Variants in SLIT2 observed in about 807,000 individuals in gnomAD.
SLIT2 encodes slit homolog 2 protein.
Under a neutral mutation model 185.7 loss-of-function variants are expected in SLIT2, and 41 were observed. That is an observed-to-expected ratio of 0.22 (90% confidence interval 0.17 to 0.29). The LOEUF is 0.29. Among genes scored for constraint, SLIT2 ranks in the 10% least tolerant of loss-of-function variants. The pLI is 1.00. For missense variants in SLIT2, 1,571 were observed against 1,909.0 expected (o/e 0.82, Z 3.30); for synonymous variants, 693 against 680.2 (o/e 1.02, Z -0.29).
intron 1 of SLIT2, among the ~76,000 whole-genome samples, chr4:20,256,315 T>C (rs201402071): frequency 8.6e-6 from 1 of 116,752 alleles, no homozygotes; most frequent in Non-Finnish European, 1.7e-5. Flanking sequence ...AACTTTTTTT[T>C]TGGGGGGGGT....
chr4:20,354,613 C>T (rs1254659287), intron 4 of SLIT2, among the ~76,000 whole-genome samples: 3 of 152,044 alleles, frequency 2.0e-5, no homozygotes, highest in Non-Finnish European at 1.5e-5. Context: ...CTTGGAGGTA[C>T]CTTGCATGGC....
chr4:20,339,694 T>A (rs903627114), intron 4 of SLIT2, among the ~76,000 whole-genome samples: 9 of 152,148 alleles, frequency 5.9e-5, no homozygotes, highest in African/African-American at 1.9e-4. Flanking sequence ...TAACAAGATC[T>A]AAGTTTCTAA....
At chr4:20,532,171 T>G (rs955789276) in intron 17 of SLIT2, 113 bp downstream of exon 17, 3 of 624,006 alleles carry the variant, frequency 4.8e-6, no homozygotes, top group Middle Eastern at 4.3e-4. Flanking sequence ...AATTTCCCTA[T>G]GATGATGACC....
intron 4 of SLIT2, among the ~76,000 whole-genome samples, chr4:20,439,180 C>T (rs765223944): frequency 3.3e-5 from 5 of 152,108 alleles, no homozygotes; most frequent in East Asian, 3.9e-4. Context: ...AACACAGTTC[C>T]GAGGTATTAA....
At chr4:20,324,570 C>T (rs536842538) in intron 4 of SLIT2, among the ~76,000 whole-genome samples, 5 of 152,050 alleles carry the variant, frequency 3.3e-5, no homozygotes, top group African/African-American at 9.7e-5. Context: ...TGTTGTACAG[C>T]GTGATGACTA....
intron 4 of SLIT2, among the ~76,000 whole-genome samples, chr4:20,284,519 A>G (rs1392517059): frequency 1.3e-5 from 2 of 152,196 alleles, no homozygotes; most frequent in Non-Finnish European, 2.9e-5. Context: ...ATCATCCTTC[A>G]TGGTAAATAA....
At chr4:20,363,155 C>G (rs1211768339) in intron 4 of SLIT2, among the ~76,000 whole-genome samples, 1 of 151,932 alleles carries the variant, frequency 6.6e-6, no homozygotes, top group Non-Finnish European at 1.5e-5. Context: ...ATCTCATGAA[C>G]AAGTAATATA....
intron 5 of SLIT2, among the ~76,000 whole-genome samples, chr4:20,469,429 T>A (rs1476357971): frequency 1.3e-5 from 2 of 152,182 alleles, no homozygotes; most frequent in Non-Finnish European, 2.9e-5. Flanking sequence ...GACCAGTCAG[T>A]CATGATAGAA....
At chr4:20,482,870 G>A in intron 6 of SLIT2, among the ~76,000 whole-genome samples, 1 of 150,996 alleles carries the variant, frequency 6.6e-6, no homozygotes, top group Non-Finnish European at 1.5e-5. Context: ...ACAACCCCTA[G>A]AAAAATCAGT....
chr4:20,280,332 CAAA>C (rs10585964), intron 4 of SLIT2, among the ~76,000 whole-genome samples: 4,559 of 87,480 alleles, frequency 0.052, 161 homozygotes, highest in East Asian at 0.17. Context: ...GACTCTGTCT[CAAA>C]AAAAAAAAAA....
chr4:20,480,613 G>C, intron 5 of SLIT2, 103 bp from the exon 6 acceptor site: 1 of 767,822 alleles, frequency 1.3e-6, no homozygotes, highest in African/African-American at 1.7e-5. Flanking sequence ...GGGCACTTCA[G>C]TGAGTGTGTC....
chr4:20,279,894 A>G (rs181090766), intron 4 of SLIT2, among the ~76,000 whole-genome samples: 14 of 152,292 alleles, frequency 9.2e-5, no homozygotes, highest in African/African-American at 3.4e-4. Context: ...CTTGTTTCAT[A>G]TGTAGCATCC....
intron 9 of SLIT2, among the ~76,000 whole-genome samples, chr4:20,492,657 ATAT>A (rs1560472616): frequency 6.6e-6 from 1 of 152,182 alleles, no homozygotes; most frequent in African/African-American, 2.4e-5. Context: ...CCAGCCCATT[ATAT>A]TATTATGTTA....
intron 3 of SLIT2, among the ~76,000 whole-genome samples, chr4:20,262,892 A>T (rs1303202459): frequency 6.6e-6 from 1 of 151,842 alleles, no homozygotes; most frequent in African/African-American, 2.4e-5. Context: ...TTGAAGTTTA[A>T]TGGTGGTGAG....
At position 20,533,610 on chromosome 4, in the gene SLIT2, G is replaced by C. The variant is rs1223417556; in HGVS notation, c.1727G>C (p.Gly576Ala). Reference sequence around the variant, plus strand: ...AATAAGATCACAGATATTGAGGAGGGAGCATTTGAAGGAGCATCTGGTGTA... The same window carrying C: ...AATAAGATCACAGATATTGAGGAGGCAGCATTTGAAGGAGCATCTGGTGTA... Reference protein sequence around the residue: ...SNNKITDIEEGAFEGASGVNE... With the variant: ...SNNKITDIEEAAFEGASGVNE... Residue 576 changes from glycine to alanine, a missense_variant, in exon 18 of 37, where the codon GGA (glycine) becomes GCA (alanine). By Grantham distance (60) the Gly-to-Ala change is moderately conservative. This residue lies in a region of SLIT2 where 1,202 missense variants were observed against 1,416.4 expected (regional missense o/e 0.85). Coordinates refer to ENST00000504154, the MANE Select transcript of SLIT2 (RefSeq NM_004787.4). 1.9e-6 allele frequency: 3 copies of C among 1,611,766 alleles called. No individual in the cohort carries two copies. Among genetic ancestry groups the C allele is most frequent in the Middle Eastern group, 1.6e-4 (1 of 6,062 alleles).
At chr4:20,270,576 AGGCAGCTAG>A (rs1316226199) in intron 4 of SLIT2, among the ~76,000 whole-genome samples, 4 of 152,044 alleles carry the variant, frequency 2.6e-5, no homozygotes, top group African/African-American at 9.7e-5. Context: ...ATGGGGAAAC[AGGCAGCTAG>A]AAAATGTGTT....
At chr4:20,435,799 TAGA>T (rs1256681298) in intron 4 of SLIT2, among the ~76,000 whole-genome samples, 9 of 152,286 alleles carry the variant, frequency 5.9e-5, no homozygotes, top group African/African-American at 2.2e-4. Flanking sequence ...GTGGCATGCC[TAGA>T]AGGTCAGGCT....
intron 9 of SLIT2, among the ~76,000 whole-genome samples, chr4:20,494,820 T>C (rs1718084703): frequency 6.6e-6 from 1 of 151,444 alleles, no homozygotes; most frequent in Non-Finnish European, 1.5e-5. Flanking sequence ...ACTATAATAA[T>C]TTTGGAGCAA....
intron 6 of SLIT2, among the ~76,000 whole-genome samples, chr4:20,485,090 T>C (rs1295623590): frequency 6.6e-6 from 1 of 152,168 alleles, no homozygotes; most frequent in Non-Finnish European, 1.5e-5. Flanking sequence ...CCTTCTTTAG[T>C]CAACACCTCA....
Sources: allele counts gnomAD v4.1 joint callset (sites outside exome capture counted in the v4.1 genomes callset), GRCh38; gene constraint gnomAD v4.1.1; regional missense constraint gnomAD v4.1.1; transcripts MANE v1.5; gene names NCBI Gene and HGNC (gene_info 2026-07-23, HGNC 2026-07-21).